Variants in PCDHGB3 observed in about 807,000 individuals in gnomAD.
PCDHGB3 encodes the protein protocadherin gamma-B3.
Under a neutral mutation model 59.2 loss-of-function variants are expected in PCDHGB3, and 40 were observed. That is an observed-to-expected ratio of 0.68 (90% CI 0.52 to 0.88). The LOEUF (loss-of-function observed/expected upper bound fraction) is 0.88. Ranked by LOEUF, PCDHGB3 falls within the 40% of genes least tolerant of loss-of-function variation. PCDHGB3 has a pLI of 0.00. For missense variants in PCDHGB3, 1,309 were observed against 1,187.9 expected (o/e 1.10, Z -1.50); for synonymous variants, 581 against 503.6 (o/e 1.15, Z -2.06).
At chr5:141,384,270 C>T in intron 1 of PCDHGB3, 1 of 1,613,890 alleles carries the variant, frequency 6.2e-7, no homozygotes, top group Non-Finnish European at 8.5e-7. Flanking sequence ...ACTCATCCTA[C>T]TCAGTCTACA....
intron 3 of PCDHGB3, among the ~76,000 whole-genome samples, chr5:141,510,092 T>C (rs973542449): frequency 6.6e-6 from 1 of 152,138 alleles, no homozygotes; most frequent in South Asian, 2.1e-4. Flanking sequence ...TGGCACACAG[T>C]AGGTGCTCAA....
intron 1 of PCDHGB3, among the ~76,000 whole-genome samples, chr5:141,470,142 A>G (rs1308458765): frequency 6.6e-6 from 1 of 152,044 alleles, no homozygotes; most frequent in Non-Finnish European, 1.5e-5. Context: ...AAAAAAGATC[A>G]TAGATCATCT....
rs575250872 is a variant in PCDHGB3, at chr5:141,490,163, T to C, written c.2416-4644T>C. ...GGGGCAATCCATGTGTTGGGTCCCA[T>C]AGACTTTGAGGAGTCACGTTTCTAT... On this transcript the variant is annotated intron_variant, in intron 1 of 3. Transcript: ENST00000576222. This position sits in a 1 kb window ranked among gnomAD's most constrained non-coding sequence, Gnocchi z 5.4. 2 of 1,614,234 alleles carry C rather than the reference T, an allele frequency of 1.2e-6. No homozygotes were observed. The highest frequency in any genetic ancestry group is 2.2e-5 in the East Asian group (1 of 44,886).
chr5:141,418,832 G>A, intron 1 of PCDHGB3: 1 of 1,614,008 alleles, frequency 6.2e-7, no homozygotes, highest in Non-Finnish European at 8.5e-7. Flanking sequence ...AAAAGACCGA[G>A]GATCTCTCTC....
intron 1 of PCDHGB3, chr5:141,415,810 T>C: frequency 7.4e-7 from 1 of 1,360,418 alleles, no homozygotes; most frequent in Non-Finnish European, 9.5e-7. Context: ...AATCAAGGCC[T>C]ATATATCATA....
At chr5:141,455,506 G>T (rs1307993951) in intron 1 of PCDHGB3, among the ~76,000 whole-genome samples, 1 of 152,152 alleles carries the variant, frequency 6.6e-6, no homozygotes, top group African/African-American at 2.4e-5. Flanking sequence ...ATTTGCATAG[G>T]GCTCAGGGGA....
intron 1 of PCDHGB3, chr5:141,423,454 G>C (rs1323921797): frequency 1.9e-6 from 3 of 1,614,030 alleles, no homozygotes; most frequent in Non-Finnish European, 2.5e-6. Context: ...ACATTTTGTA[G>C]GCGTGGACGG....
Position 141,485,087 on chromosome 5 carries a change from T to G in PCDHGB3, c.2416-9720T>G. The G allele has an allele frequency of 2.0e-6, 2 of 1,000,176 alleles. No homozygotes were observed. The highest frequency in any genetic ancestry group is 1.5e-6 in the Non-Finnish European group (1 of 651,808). 62.0% of individuals were successfully genotyped at this position (1,000,176 alleles called of 1,614,324 possible). A position where few individuals can be genotyped will look rare whatever the true frequency, so the allele number is the denominator to read the frequency against. The stretch of plus-strand genomic sequence containing the variant: ...CAGAGCTGGCGCGGGGAAAGGGAGA[T>G]AGGTGTCTCCAGCTGCTGTGGCTGT... On this transcript the variant is annotated intron_variant, in intron 1 of 3. Transcript: ENST00000576222. This position sits in a 1 kb window ranked among gnomAD's most constrained non-coding sequence, Gnocchi z 5.7.
At chr5:141,441,878 TG>T in intron 1 of PCDHGB3, 1 of 343,708 alleles carries the variant, frequency 2.9e-6, no homozygotes, top group Non-Finnish European at 5.6e-6. Context: ...CCTGGCTACC[TG>T]GTCACCAAGG....
At chr5:141,402,765 C>T (rs2150942715) in intron 1 of PCDHGB3, among the ~76,000 whole-genome samples, 1 of 152,322 alleles carries the variant, frequency 6.6e-6, no homozygotes, top group Admixed American at 6.5e-5. Flanking sequence ...ATCAGGACTC[C>T]ATCCGGATTT....
intron 1 of PCDHGB3, chr5:141,393,946 A>G (rs1417125080): frequency 4.3e-6 from 7 of 1,613,892 alleles, no homozygotes; most frequent in Non-Finnish European, 4.2e-6. Context: ...GACTCTGGAA[A>G]GAATGGTCAA....
At chr5:141,498,467 G>C (rs535351060) in intron 2 of PCDHGB3, among the ~76,000 whole-genome samples, 1 of 152,116 alleles carries the variant, frequency 6.6e-6, no homozygotes, top group East Asian at 1.9e-4. Context: ...GTCTAACCCT[G>C]GTTCCAGCCT....
At chr5:141,402,816 C>A (rs1009078444) in intron 1 of PCDHGB3, 4 of 1,261,760 alleles carry the variant, frequency 3.2e-6, no homozygotes, top group South Asian at 3.4e-5. Flanking sequence ...ATACCACAAA[C>A]CTGCTCCCAG....
intron 1 of PCDHGB3, chr5:141,423,648 G>A (rs1291261924): frequency 2.5e-6 from 4 of 1,590,008 alleles, no homozygotes; most frequent in Middle Eastern, 1.7e-4. Flanking sequence ...AATGTGACCC[G>A]ACAAGTAATC....
intron 1 of PCDHGB3, chr5:141,375,569 C>A (rs775153131): frequency 1.2e-6 from 2 of 1,613,970 alleles, no homozygotes; most frequent in East Asian, 2.2e-5. Context: ...AGAAGACACC[C>A]TCCAGGGGGC....
chr5:141,375,335 T>C, intron 1 of PCDHGB3: 2 of 1,613,812 alleles, frequency 1.2e-6, no homozygotes, highest in Non-Finnish European at 1.7e-6. Flanking sequence ...GGTATTCTTG[T>C]ACAACATCAC....
intron 1 of PCDHGB3, chr5:141,374,302 GC>G: frequency 6.2e-7 from 1 of 1,613,984 alleles, no homozygotes; most frequent in Non-Finnish European, 8.5e-7. Flanking sequence ...GTAGGATGCA[GC>G]TTTTCTCTCT....
intron 1 of PCDHGB3, among the ~76,000 whole-genome samples, chr5:141,446,948 T>C (rs1166868490): frequency 6.6e-6 from 1 of 152,186 alleles, no homozygotes; most frequent in African/African-American, 2.4e-5. Context: ...GTAAGAAACA[T>C]CCAGCACCCA....
chr5:141,405,431 T>TGTTTTTGA (rs1428153443), intron 1 of PCDHGB3: 4 of 1,490,528 alleles, frequency 2.7e-6, no homozygotes, highest in Non-Finnish European at 2.7e-6. Flanking sequence ...TGTTTTGTTT[T>TGTTTTTGA]GTTTTTGAGA....
Sources: gnomAD v4.1 joint callset for allele counts (sites outside exome capture counted in the v4.1 genomes callset) on GRCh38, gnomAD v4.1.1 for gene constraint, Gnocchi (gnomAD v3.1) non-coding constraint, MANE v1.5 for transcripts, NCBI Gene and HGNC (gene_info 2026-07-23, HGNC 2026-07-21) for gene names.